The following AP5Z1 variants were observed in gnomAD, a reference collection of about 807,000 sequenced individuals.
AP5Z1 encodes AP-5 complex subunit zeta-1.
A neutral mutation model predicts 83.0 loss-of-function variants in AP5Z1; 106 were observed. The ratio of observed to expected loss-of-function variants is 1.28; its 90% CI spans 1.09 to 1.50. The LOEUF (loss-of-function observed/expected upper bound fraction) is 1.50. AP5Z1 is among the 40% of genes most tolerant of loss of function. AP5Z1 has a pLI of 0.00. For synonymous variants in AP5Z1, 751 were observed against 514.1 expected (o/e 1.46, Z -6.23); for missense variants, 1,565 against 1,094.2 (o/e 1.43, Z -6.07).
chr7:4,792,292 C>G lies in AP5Z1; in HGVS notation c.*907C>G, dbSNP rs1457347616. On this transcript the variant is annotated 3_prime_UTR_variant, in exon 17 of 17. Coordinates refer to ENST00000649063, the MANE Select transcript of AP5Z1 (RefSeq NM_014855.3). ...CCCCGAGAGCCTCACGCCCCGCCCCCAGGCTCAAACTCTTCCCCCTCCCCA... is the reference window on the plus strand; with the variant it reads ...CCCCGAGAGCCTCACGCCCCGCCCCGAGGCTCAAACTCTTCCCCCTCCCCA... The G allele has an allele frequency of 6.6e-6, 1 of 151,828 alleles. No homozygotes were observed. The highest frequency in any genetic ancestry group is 1.5e-5 in the Non-Finnish European group (1 of 67,958). 9.4% of individuals were successfully genotyped at this position (151,828 alleles called of 1,614,324 possible).
At position 4,792,703 on chromosome 7, in the gene AP5Z1, G is replaced by GGCTGGC. The variant is rs1781823697; in HGVS notation, c.*1325_*1330dup. 1 of 152,254 alleles carries GGCTGGC rather than the reference G, an allele frequency of 6.6e-6. No homozygotes were observed. The highest frequency in any genetic ancestry group is 6.5e-5 in the Admixed American group (1 of 15,286). The allele number at this position is 152,254 out of a possible 1,614,324, so 9.4% of individuals were successfully genotyped here. ...GCCGCTGAGCCGGGGCCGCAGGAAA[G>GGCTGGC]GCTGGCGCTGGCAGGCGCTTCCGTC... On this transcript the variant is annotated 3_prime_UTR_variant, in exon 17 of 17. Transcript: ENST00000649063.
intron 10 of AP5Z1, 29 bp downstream of exon 10, chr7:4,786,457 G>A (rs748944609): frequency 1.9e-6 from 3 of 1,608,810 alleles, no homozygotes; most frequent in South Asian, 1.1e-5. Context: ...GGGTGCCAGG[G>A]CAGGGGCATG....
At chr7:4,784,727 C>T (rs1407452784) in intron 6 of AP5Z1, among the ~76,000 whole-genome samples, 181 bp from the exon 7 acceptor site, 1 of 152,210 alleles carries the variant, frequency 6.6e-6, no homozygotes, top group Non-Finnish European at 1.5e-5. Flanking sequence ...CTCAGCCACC[C>T]TGAAGGGCGG....
In AP5Z1 at chr7:4,781,163, T is replaced by C; in HGVS notation, c.42-12T>C. 4 of 1,613,002 alleles carry C rather than the reference T, an allele frequency of 2.5e-6. No homozygotes were observed. The highest frequency in any genetic ancestry group is 3.4e-6 in the Non-Finnish European group (4 of 1,179,150). ...AGTGCTTCTGGGTCCTGAAGTCCTC[T>C]TCTTTGTTTAGGGAGATCCAGGACG... On this transcript the variant is annotated splice_polypyrimidine_tract_variant and intron_variant, in intron 1 of 16. Transcript: ENST00000649063.
At chr7:4,786,073 G>A (rs1249023200) in intron 9 of AP5Z1, among the ~76,000 whole-genome samples, 177 bp from the exon 10 acceptor site, 2 of 152,254 alleles carry the variant, frequency 1.3e-5, no homozygotes, top group African/African-American at 2.4e-5. Flanking sequence ...CTCACGAGCT[G>A]TCCGTGTCCC....
rs17829969 is a variant in AP5Z1, at chr7:4,788,446, C to T, written c.1595+152C>T. On this transcript the variant is annotated intron_variant, in intron 12 of 16. Coordinates refer to ENST00000649063, the MANE Select transcript of AP5Z1 (RefSeq NM_014855.3). ...CCCCGTCATCACCATTATAGAGGCC[C>T]TGCTTCTGCACCACGGGTCTGCCGG... 0.098 allele frequency: 97,251 copies of T among 989,146 alleles called. 5,664 individuals carry two copies. The highest frequency in any genetic ancestry group is 0.2 in the South Asian group (9,263 of 47,350). 61.3% of individuals were successfully genotyped at this position (989,146 alleles called of 1,614,324 possible).
chr7:4,791,786 C>A lies in AP5Z1; in HGVS notation c.*401C>A, dbSNP rs1452822711. The A allele has an allele frequency of 6.4e-5, 12 of 188,260 alleles. No individual in the cohort carries two copies. The highest frequency in any genetic ancestry group is 2.8e-4 in the South Asian group (2 of 7,192). The allele number at this position is 188,260 out of a possible 1,614,324, so 11.7% of individuals were successfully genotyped here. Reference sequence around the variant, plus strand: ...TGTATGAAGAGTGCGCGATCAGTTCCGTTACCTGCCCTGCACCCTGGGGAG... The same window carrying A: ...TGTATGAAGAGTGCGCGATCAGTTCAGTTACCTGCCCTGCACCCTGGGGAG... On this transcript the variant is annotated 3_prime_UTR_variant, in exon 17 of 17. Transcript: ENST00000649063.
intron 9 of AP5Z1, 69 bp downstream of exon 9, chr7:4,785,753 T>C: frequency 7.2e-7 from 1 of 1,380,026 alleles, no homozygotes; most frequent in East Asian, 2.7e-5. Flanking sequence ...ATGGAATTTC[T>C]TCTTCCCTTT....
chr7:4,790,685 G>A lies in AP5Z1; in HGVS notation c.1951G>A (p.Gly651Ser), dbSNP rs772049256. The A allele has an allele frequency of 3.9e-5, 63 of 1,611,774 alleles. 2 individuals are homozygous for A. In the South Asian group the frequency reaches 4.9e-4, roughly 13 times the overall value. ...TCCCCGGGCCTAGGTGTGGGCCATC[G>A]GCGAGTACCTGTCGGTGACCTACGA... ...SLVTSVVWAI[G>S]EYLSVTYDRR... Residue 651 changes from glycine (G) to serine (S), a missense_variant, in exon 16 of 17, where the codon GGC becomes AGC. Physicochemically the swap from Gly to Ser is moderately conservative, Grantham distance 56. Transcript: ENST00000649063.
chr7:4,789,976 T>C, intron 14 of AP5Z1, 47 bp downstream of exon 14: 2 of 1,426,944 alleles, frequency 1.4e-6, no homozygotes, highest in Non-Finnish European at 1.9e-6. Flanking sequence ...GGGTGCCTCC[T>C]GGACTCCTCC....
chr7:4,776,770 C>T (rs1438954212), intron 1 of AP5Z1, among the ~76,000 whole-genome samples: 1 of 151,828 alleles, frequency 6.6e-6, no homozygotes, highest in Admixed American at 6.6e-5. Context: ...AAAATACAGC[C>T]AGCACTACAG....
intron 1 of AP5Z1, among the ~76,000 whole-genome samples, chr7:4,777,698 C>G (rs1364107063): frequency 6.6e-6 from 1 of 152,162 alleles, no homozygotes; most frequent in African/African-American, 2.4e-5. Context: ...TGAGCCCTCA[C>G]TATTTAAATA....
rs1049028734 is a variant in AP5Z1, at chr7:4,775,690, C to G, written c.-26C>G. The G allele has an allele frequency of 6.2e-7, 1 of 1,606,608 alleles. No individual in the cohort carries two copies. The highest frequency in any genetic ancestry group is 8.5e-7 in the Non-Finnish European group (1 of 1,179,692). ...TGCAGCTCCTGGAGTTTCCGAGGTT[C>G]GTGCGCGTCTGGTGGCGGCGGCGTG... is the stretch of plus-strand genomic sequence containing the variant. On this transcript the variant is annotated 5_prime_UTR_variant, in exon 1 of 17. Transcript: ENST00000649063.
Position 4,781,540 on chromosome 7 carries a change from C to T in AP5Z1, c.180-28C>T, listed in dbSNP as rs114430021. 3,663 of 1,597,566 alleles carry T rather than the reference C, an allele frequency of 2.3e-3. 67 individuals are homozygous for T. In the African/African-American group the frequency reaches 0.043, roughly 19 times the overall value. On this transcript the variant is annotated intron_variant, in intron 2 of 16. Coordinates refer to ENST00000649063, the MANE Select transcript of AP5Z1 (RefSeq NM_014855.3). ...TCCTGCCACGGTCGTGACGTGTTAC[C>T]GCCCACCACGGGCATCTCGCCTTCC... is the stretch of plus-strand genomic sequence containing the variant.
Position 4,791,377 on chromosome 7 carries a change from C to T in AP5Z1, c.2416C>T (p.Pro806Ser). 1 of 1,605,040 alleles carries T rather than the reference C, an allele frequency of 6.2e-7. No homozygotes were observed. Among genetic ancestry groups the T allele is most frequent in the Non-Finnish European group, 8.5e-7 (1 of 1,176,280 alleles). ...RLVEREAGLM[P>S]G ...GGTGGAGAGGGAGGCCGGCCTCATG[C>T]CAGGGTGAAGGGACAGTGGCCAGGG... Residue 806 changes from proline (P) to serine (S), a missense_variant, in exon 17 of 17, where the codon CCA becomes TCA. Pro to Ser is a moderately conservative substitution (Grantham distance 74). Transcript: ENST00000649063.
At position 4,784,379 on chromosome 7, in the gene AP5Z1, G is replaced by A. The variant is rs1198463664; in HGVS notation, c.790+8G>A. The stretch of plus-strand genomic sequence containing the variant: ...CGGGCACCCTGGACACAGGTGTGCG[G>A]GGTGGGGGGATGACGTCAGACAGGG... On this transcript the variant is annotated splice_region_variant and intron_variant, in intron 6 of 16. Transcript: ENST00000649063. 6.3e-7 allele frequency: 1 copy of A among 1,589,924 alleles called. No homozygotes were observed. The highest frequency in any genetic ancestry group is 1.8e-5 in the Admixed American group (1 of 57,040).
rs577396839 is a variant in AP5Z1 at position 4,783,784 on chromosome 7, C to T, written c.607C>T (p.Pro203Ser). Residue 203 changes from proline (P) to serine (S), a missense_variant, in exon 5 of 17, where the codon CCC (proline) becomes TCC (serine). By Grantham distance (74) the Pro-to-Ser change is moderately conservative. Coordinates refer to ENST00000649063, the MANE Select transcript of AP5Z1 (RefSeq NM_014855.3). ...ACACTCCGGCGGCTTCTTCTCCACG[C>T]CCAGGGCCCGGCAGGTGAGGCTGGG... ...LPHSGGFFST[P>S]RARQPGPVTE... 1 of 1,549,206 alleles carries T rather than the reference C, an allele frequency of 6.5e-7. No homozygotes were observed. The highest frequency in any genetic ancestry group is 2.0e-5 in the Admixed American group (1 of 51,092).
At chr7:4,788,128 C>G (rs1427767163) in intron 11 of AP5Z1, 26 bp from the exon 12 acceptor site, 1 of 1,503,826 alleles carries the variant, frequency 6.6e-7, no homozygotes, top group Admixed American at 2.2e-5. Flanking sequence ...GCATCCCAGC[C>G]TGGCCTTGGG....
chr7:4,779,098 ATATAT>A (rs1359904801), intron 1 of AP5Z1, among the ~76,000 whole-genome samples: 1 of 144,410 alleles, frequency 6.9e-6, no homozygotes, highest in East Asian at 2.0e-4. Context: ...TATATAAAAT[ATATAT>A]TATATACATT....
Sources: allele counts gnomAD v4.1 joint callset (sites outside exome capture counted in the v4.1 genomes callset), GRCh38; gene constraint gnomAD v4.1.1; transcripts MANE v1.5; gene names NCBI Gene and HGNC (gene_info 2026-07-23, HGNC 2026-07-21).